Variants in UROC1 observed in about 807,000 individuals in gnomAD.
UROC1 encodes urocanate hydratase 1.
UROC1 carries 79 observed loss-of-function variants against 89.5 expected under a neutral mutation model. That is an observed-to-expected ratio of 0.88 (90% CI 0.74 to 1.06). The LOEUF (loss-of-function observed/expected upper bound fraction) is 1.06. UROC1 is among the 50% of genes least tolerant of loss of function. UROC1 has a pLI of 0.00. For missense variants in UROC1, 885 were observed against 907.8 expected, an observed-to-expected ratio of 0.97 and a Z score of 0.32; for synonymous variants, 361 against 354.8, an observed-to-expected ratio of 1.02 and a Z score of -0.20.
chr3:126,483,894 T>G (rs1935451619), intron 18 of UROC1, among the ~76,000 whole-genome samples: 1 of 152,216 alleles, frequency 6.6e-6, no homozygotes, highest in Non-Finnish European at 1.5e-5. Context: ...AAAAAAATAT[T>G]TTTTTAGAGA....
intron 9 of UROC1, among the ~76,000 whole-genome samples, chr3:126,502,138 A>G (rs1935937972): frequency 6.6e-6 from 1 of 152,134 alleles, no homozygotes; most frequent in Admixed American, 6.5e-5. Context: ...GTGTATATGC[A>G]TATGTGTATG....
chr3:126,494,548 G>A (rs943515954), intron 15 of UROC1, among the ~76,000 whole-genome samples: 3 of 152,188 alleles, frequency 2.0e-5, no homozygotes, highest in African/African-American at 4.8e-5. Context: ...CCCAGGACAG[G>A]GGCAGGCCTC....
At chr3:126,506,057 G>A in intron 6 of UROC1, 46 bp from the exon 7 acceptor site, 2 of 1,610,860 alleles carry the variant, frequency 1.2e-6, no homozygotes, top group Middle Eastern at 1.7e-4. Flanking sequence ...GCCAGTGCCA[G>A]GCCCAGGTCC....
chr3:126,488,972 C>T (rs919646893), intron 17 of UROC1, among the ~76,000 whole-genome samples: 5 of 152,008 alleles, frequency 3.3e-5, no homozygotes, highest in African/African-American at 1.2e-4. Context: ...GGGAAGAGAC[C>T]AGGAGCCAAA....
rs557452318 is a variant in UROC1, at chr3:126,502,809, GTA to G, written c.902+1184_902+1185del. Among the ~76,000 whole-genome samples, 112 of 151,450 alleles carry G rather than the reference GTA, an allele frequency of 7.4e-4. 2 individuals carry two copies. Among genetic ancestry groups the G allele is most frequent in the African/African-American group, 2.3e-3 (95 of 41,244 alleles). ...TGCATGTGTGTGCTGTGTTCTCTGT[GTA>G]TGTGTGCTTATGTGTGTTAAGTGTG... On this transcript the variant is annotated intron_variant, in intron 9 of 19. Coordinates refer to ENST00000290868, the MANE Select transcript of UROC1 (RefSeq NM_144639.3).
chr3:126,487,322 C>G (rs974576015), intron 18 of UROC1, among the ~76,000 whole-genome samples: 1 of 152,236 alleles, frequency 6.6e-6, no homozygotes, highest in Non-Finnish European at 1.5e-5. Flanking sequence ...GCAGAAATGC[C>G]AGGTACCCAA....
At chr3:126,499,717 C>T (rs1935869830) in intron 12 of UROC1, among the ~76,000 whole-genome samples, 1 of 152,230 alleles carries the variant, frequency 6.6e-6, no homozygotes, top group South Asian at 2.1e-4. Context: ...GAACCTCATA[C>T]CCCATGAAAG....
At chr3:126,483,493 G>C in intron 18 of UROC1, 25 bp from the exon 19 acceptor site, 1 of 1,604,176 alleles carries the variant, frequency 6.2e-7, no homozygotes, top group Non-Finnish European at 8.5e-7. Context: ...GGAGTTTCCA[G>C]TTCATTCCTG....
intron 14 of UROC1, 23 bp downstream of exon 14, chr3:126,498,028 G>T: frequency 6.2e-7 from 1 of 1,613,850 alleles, no homozygotes; most frequent in East Asian, 2.2e-5. Context: ...CCCACCCATG[G>T]GCATCCCCAC....
chr3:126,482,601 A>T, intron 19 of UROC1, 116 bp from the exon 20 acceptor site: 1 of 1,496,512 alleles, frequency 6.7e-7, no homozygotes, highest in South Asian at 1.1e-5. Flanking sequence ...GTCCGTGGGG[A>T]CAGCTGCCCT....
chr3:126,496,615 A>G (rs1935782786), intron 14 of UROC1, among the ~76,000 whole-genome samples: 3 of 152,224 alleles, frequency 2.0e-5, no homozygotes, highest in Non-Finnish European at 2.9e-5. Context: ...CCTATGCAGG[A>G]GCTACCTGGC....
intron 6 of UROC1, 151 bp downstream of exon 6, chr3:126,507,591 A>G (rs1936094481): frequency 1.2e-6 from 1 of 806,066 alleles, no homozygotes; most frequent in African/African-American, 1.7e-5. Context: ...TATACATAAA[A>G]CTACTAGGGA....
chr3:126,514,335 T>A (rs1019453338), intron 1 of UROC1, among the ~76,000 whole-genome samples: 4 of 152,134 alleles, frequency 2.6e-5, no homozygotes, highest in Non-Finnish European at 4.4e-5. Context: ...TGGGGTCGAT[T>A]TGGGGAAAAG....
chr3:126,485,497 CTCGGGGCAGAGGA>C (rs1396921239), intron 18 of UROC1, among the ~76,000 whole-genome samples: 8 of 152,140 alleles, frequency 5.3e-5, no homozygotes, highest in Non-Finnish European at 1.2e-4. Flanking sequence ...CAGAGAGGTC[CTCGGGGCAGAGGA>C]TCAGCGTCAC....
intron 11 of UROC1, 146 bp from the exon 12 acceptor site, chr3:126,500,300 C>T: frequency 1.3e-6 from 1 of 774,176 alleles, no homozygotes; most frequent in Non-Finnish European, 2.2e-6. Context: ...GCACCACACA[C>T]CTGGAATGCC....
intron 17 of UROC1, 100 bp downstream of exon 17, chr3:126,489,176 G>A: frequency 8.5e-7 from 1 of 1,182,560 alleles, no homozygotes; most frequent in South Asian, 1.2e-5. Context: ...CCTCTCAGGT[G>A]CCAGAACATC....
In UROC1 at chr3:126,500,766, C is replaced by T. The variant is rs1364850082; in HGVS notation, c.1074G>A (p.Gln358=). 6.2e-7 allele frequency: 1 copy of T among 1,614,014 alleles called. No individual in the cohort carries two copies. The change falls in exon 11 of 20, where the codon CAG becomes CAA. Residue 358 remains glutamine, a synonymous_variant. Coordinates refer to ENST00000290868, the MANE Select transcript of UROC1 (RefSeq NM_144639.3). ...GGCTCTGGGCCTCCGTGAAGCTGAG[C>T]TGCACAGGGTAGTAGCCGCCATTGA... is the stretch of plus-strand genomic sequence containing the variant. ...NPFNGGYYPV[Q]LSFTEAQSLM...
chr3:126,485,746 C>T (rs1472151036), intron 18 of UROC1, among the ~76,000 whole-genome samples: 10 of 151,066 alleles, frequency 6.6e-5, no homozygotes, highest in Admixed American at 5.9e-4. Flanking sequence ...TGGTGGTGCA[C>T]GCCTATACAA....
chr3:126,495,481 C>T (rs1236002635), intron 15 of UROC1, among the ~76,000 whole-genome samples: 1 of 152,160 alleles, frequency 6.6e-6, no homozygotes, highest in Admixed American at 6.5e-5. Context: ...TGTCAGCACT[C>T]CCTTCCGTTT....
Sources: gnomAD v4.1 joint callset for allele counts (sites outside exome capture counted in the v4.1 genomes callset) on GRCh38, gnomAD v4.1.1 for gene constraint, MANE v1.5 for transcripts, NCBI Gene and HGNC (gene_info 2026-07-23, HGNC 2026-07-21) for gene names.